Variants in PTPRD observed in about 807,000 individuals in gnomAD.
The protein encoded by PTPRD is receptor-type tyrosine-protein phosphatase delta.
PTPRD carries 34 observed loss-of-function variants against 214.5 expected under a neutral mutation model. The ratio of observed to expected loss-of-function variants is 0.16; its 90% CI spans 0.12 to 0.21. PTPRD has a LOEUF of 0.21. Ranked by LOEUF, PTPRD falls within the 10% of genes least tolerant of loss-of-function variation. The probability of loss-of-function intolerance (pLI) is 1.00; values close to 1 mark genes in which losing one functional copy is unlikely to be tolerated. For synonymous variants in PTPRD, 1,128 were observed against 845.7 expected (o/e 1.33, Z -5.79); for missense variants, 2,545 against 2,398.7 (o/e 1.06, Z -1.27).
intron 3 of PTPRD, among the ~76,000 whole-genome samples, chr9:10,194,020 C>T (rs2099385889): frequency 6.6e-6 from 1 of 152,000 alleles, no homozygotes; most frequent in Non-Finnish European, 1.5e-5. Flanking sequence ...TTTATGTTCA[C>T]CTCTTTCTCC....
At position 10,297,960 on chromosome 9, in the gene PTPRD, G is replaced by A. The variant is rs2132060; in HGVS notation, c.-545+43003C>T. 9.9e-3 allele frequency among the ~76,000 whole-genome samples: 1,500 copies of A among 152,108 alleles called. 60 individuals carry two copies. In the East Asian group the frequency reaches 0.1, roughly 10 times the overall value. On this transcript the variant is annotated intron_variant, in intron 3 of 45. Transcript: ENST00000381196. ...TCCTATGGCATTTCTAAAGCAACAC[G>A]TCTAAGGAATATGGGCATTTCTACC...
chr9:9,916,222 G>T lies in PTPRD; in HGVS notation c.-368+22285C>A, dbSNP rs532664748. Among the ~76,000 whole-genome samples the T allele has an allele frequency of 2.6e-5, 4 of 152,112 alleles. No individual in the cohort carries two copies. The South Asian group carries it at 8.3e-4, about 32-fold the overall frequency. On this transcript the variant is annotated intron_variant, in intron 5 of 45. Transcript: ENST00000381196. The stretch of plus-strand genomic sequence containing the variant: ...ACTACTAGCCAGTCTTACAAGAAAT[G>T]TTCAAGAGAATTGTAGCTCTAGAAG...
intron 14 of PTPRD, among the ~76,000 whole-genome samples, chr9:8,560,470 CACATATAT>C (rs956277464): frequency 2.1e-4 from 29 of 135,658 alleles, no homozygotes; most frequent in African/African-American, 8.6e-4. Context: ...CACACACACA[CACATATAT>C]ACACTGTTTC....
intron 8 of PTPRD, among the ~76,000 whole-genome samples, chr9:9,400,029 C>T (rs2141296618): frequency 6.7e-6 from 1 of 150,248 alleles, no homozygotes; most frequent in South Asian, 2.1e-4. Context: ...TTATTAATAC[C>T]TATCATCTAT....
At chr9:10,230,412 C>CTATG (rs764150414) in intron 3 of PTPRD, among the ~76,000 whole-genome samples, 35 of 126,670 alleles carry the variant, frequency 2.8e-4, no homozygotes, top group Admixed American at 3.8e-4. Flanking sequence ...CTCTATGTAT[C>CTATG]TATCTATGTA....
chr9:8,767,780 G>C (rs2094876711), intron 11 of PTPRD, among the ~76,000 whole-genome samples: 1 of 152,090 alleles, frequency 6.6e-6, no homozygotes, highest in Non-Finnish European at 1.5e-5. Context: ...AGGCATCTGT[G>C]TATTTTTGAA....
At chr9:9,100,524 T>C (rs1022802793) in intron 10 of PTPRD, among the ~76,000 whole-genome samples, 2 of 152,158 alleles carry the variant, frequency 1.3e-5, no homozygotes, top group Non-Finnish European at 2.9e-5. Flanking sequence ...ACAATTCTGT[T>C]GGTATGATCA....
chr9:9,616,632 T>C (rs912269118), intron 7 of PTPRD, among the ~76,000 whole-genome samples: 38 of 152,216 alleles, frequency 2.5e-4, no homozygotes, highest in African/African-American at 5.5e-4. Flanking sequence ...CCAAAACTCG[T>C]TGGGGCTAAA....
intron 2 of PTPRD, among the ~76,000 whole-genome samples, chr9:10,355,074 A>G (rs2097252331): frequency 6.6e-6 from 1 of 152,178 alleles, no homozygotes; most frequent in Non-Finnish European, 1.5e-5. Flanking sequence ...ATCATTATAT[A>G]TTTCTACTTT....
At chr9:8,490,369 T>A (rs769554845) in intron 27 of PTPRD, among the ~76,000 whole-genome samples, 1 of 152,218 alleles carries the variant, frequency 6.6e-6, no homozygotes, top group East Asian at 1.9e-4. Flanking sequence ...ATTGGAATCA[T>A]TGGAGATCAA....
intron 2 of PTPRD, among the ~76,000 whole-genome samples, chr9:10,446,380 C>T (rs1275660869): frequency 6.9e-6 from 1 of 144,022 alleles, no homozygotes; most frequent in Non-Finnish European, 1.5e-5. Context: ...AAGAGTAGTG[C>T]TGGTTTGGCT....
chr9:10,082,812 TACACAC>T (rs776251264), intron 3 of PTPRD, among the ~76,000 whole-genome samples: 5 of 138,500 alleles, frequency 3.6e-5, no homozygotes, highest in Admixed American at 2.9e-4. Flanking sequence ...CTACTCCTCC[TACACAC>T]ACACACACAC....
At chr9:10,141,282 A>C (rs1336807012) in intron 3 of PTPRD, among the ~76,000 whole-genome samples, 1 of 152,164 alleles carries the variant, frequency 6.6e-6, no homozygotes, top group Admixed American at 6.5e-5. Context: ...AATAAAGGGC[A>C]TTCAATTAGG....
At chr9:9,595,047 C>T (rs923173664) in intron 7 of PTPRD, among the ~76,000 whole-genome samples, 15 of 151,936 alleles carry the variant, frequency 9.9e-5, no homozygotes, top group African/African-American at 3.4e-4. Context: ...TACTACCTTA[C>T]TCCAGCAAGA....
intron 5 of PTPRD, among the ~76,000 whole-genome samples, chr9:9,809,756 G>C (rs1464608350): frequency 1.3e-5 from 2 of 152,284 alleles, no homozygotes; most frequent in East Asian, 1.9e-4. Flanking sequence ...CATTCAGAAT[G>C]TGTCTGACCA....
chr9:10,457,933 C>T (rs2098930274), intron 2 of PTPRD, among the ~76,000 whole-genome samples: 1 of 151,802 alleles, frequency 6.6e-6, no homozygotes, highest in Non-Finnish European at 1.5e-5. Flanking sequence ...AATAGCTATA[C>T]ACCAACAAAT....
At chr9:10,108,580 C>T (rs1166627135) in intron 3 of PTPRD, among the ~76,000 whole-genome samples, 1 of 151,862 alleles carries the variant, frequency 6.6e-6, no homozygotes, top group African/African-American at 2.4e-5. Flanking sequence ...TCAAAAAATC[C>T]AACTGCCATA....
chr9:10,422,280 C>T (rs2098552748), intron 2 of PTPRD, among the ~76,000 whole-genome samples: 1 of 152,086 alleles, frequency 6.6e-6, no homozygotes, highest in African/African-American at 2.4e-5. Context: ...AAACTGGATC[C>T]CTTCTTGTAA....
intron 9 of PTPRD, among the ~76,000 whole-genome samples, chr9:9,251,716 A>T (rs1048289162): frequency 1.3e-5 from 2 of 152,136 alleles, no homozygotes; most frequent in African/African-American, 4.8e-5. Flanking sequence ...GATAAATAGC[A>T]TAATGGGGTA....
Sources: gnomAD v4.1 joint callset for allele counts (sites outside exome capture counted in the v4.1 genomes callset) on GRCh38, gnomAD v4.1.1 for gene constraint, MANE v1.5 for transcripts, NCBI Gene and HGNC (gene_info 2026-07-23, HGNC 2026-07-21) for gene names.